KIAA0825: variants seen among roughly 807,000 people sequenced by gnomAD.
KIAA0825 encodes KIAA0825, also known as uncharacterized protein KIAA0825.
KIAA0825 carries 119 observed loss-of-function variants against 147.6 expected under a neutral mutation model. That is an observed-to-expected ratio of 0.81 (90% confidence interval 0.69 to 0.94). KIAA0825 has a LOEUF of 0.94. Ranked by LOEUF, KIAA0825 falls within the 40% of genes least tolerant of loss-of-function variation. KIAA0825 has a pLI of 0.00. For synonymous variants in KIAA0825, 470 were observed against 518.1 expected (o/e 0.91, Z 1.26); for missense variants, 1,381 against 1,472.7 (o/e 0.94, Z 1.02).
chr5:94,572,578 A>G (rs1780180329), intron 2 of KIAA0825, among the ~76,000 whole-genome samples: 1 of 152,194 alleles, frequency 6.6e-6, no homozygotes, highest in East Asian at 1.9e-4. Flanking sequence ...AAAATCTGCA[A>G]TTCATTAAAA....
At chr5:94,453,444 C>G (rs867504167) in intron 12 of KIAA0825, among the ~76,000 whole-genome samples, 25 of 151,090 alleles carry the variant, frequency 1.7e-4, no homozygotes, top group Admixed American at 3.3e-4. Context: ...GCCTTGGCCT[C>G]TCAAAGTGCT....
chr5:94,539,895 T>G (rs1405117678), intron 2 of KIAA0825, among the ~76,000 whole-genome samples: 1 of 152,158 alleles, frequency 6.6e-6, no homozygotes, highest in Non-Finnish European at 1.5e-5. Flanking sequence ...TAATCTGCCT[T>G]GCACTCTTTG....
rs114712207 is a variant in KIAA0825 at position 94,299,932 on chromosome 5, A to C, written c.3710+84436T>G. The stretch of plus-strand genomic sequence containing the variant: ...TCTTTCTTAGATTTTTTTATAGACA[A>C]TTGACCAATACAAAATTATTTAAAA... On this transcript the variant is annotated intron_variant, in intron 20 of 20. Transcript: ENST00000682413. Among the ~76,000 whole-genome samples the C allele has an allele frequency of 6.2e-3, 943 of 152,186 alleles. 10 individuals carry two copies. Among genetic ancestry groups the C allele is most frequent in the African/African-American group, 0.022 (913 of 41,556 alleles).
At chr5:94,448,672 A>G (rs974444960) in intron 13 of KIAA0825, among the ~76,000 whole-genome samples, 1 of 152,112 alleles carries the variant, frequency 6.6e-6, no homozygotes, top group African/African-American at 2.4e-5. Flanking sequence ...GTTTGTCATC[A>G]TCCAATTCCT....
intron 5 of KIAA0825, among the ~76,000 whole-genome samples, chr5:94,504,541 T>G (rs1349505495): frequency 1.3e-5 from 2 of 152,200 alleles, no homozygotes; most frequent in Non-Finnish European, 1.5e-5. Context: ...GTATTAAATA[T>G]TCTTATTTTT....
intron 20 of KIAA0825, among the ~76,000 whole-genome samples, chr5:94,190,491 A>ATTTTTTTT (rs70975895): frequency 6.6e-5 from 7 of 106,302 alleles, no homozygotes; most frequent in Admixed American, 1.0e-4. Flanking sequence ...ACGCCCAGCT[A>ATTTTTTTT]TTTTTTTTTT....
At chr5:94,464,738 A>G (rs1168019321) in intron 11 of KIAA0825, 131 bp downstream of exon 11, 3 of 756,536 alleles carry the variant, frequency 4.0e-6, no homozygotes, top group Non-Finnish European at 6.1e-6. Context: ...GGAGAATAGA[A>G]TATGATTTCT....
intron 1 of KIAA0825, chr5:94,593,688 A>G: frequency 7.6e-6 from 3 of 395,370 alleles, no homozygotes; most frequent in Non-Finnish European, 1.5e-5. Flanking sequence ...TGATTAAAAG[A>G]GTTGCTTCAG....
At chr5:94,448,799 A>G (rs1246595258) in intron 13 of KIAA0825, among the ~76,000 whole-genome samples, 1 of 152,172 alleles carries the variant, frequency 6.6e-6, no homozygotes, top group East Asian at 1.9e-4. Flanking sequence ...ATGAATGGAA[A>G]GGTGAGATTT....
At chr5:94,462,928 A>G (rs899628581) in intron 11 of KIAA0825, among the ~76,000 whole-genome samples, 2 of 151,848 alleles carry the variant, frequency 1.3e-5, no homozygotes, top group African/African-American at 4.8e-5. Flanking sequence ...AAAATTTGCT[A>G]TTATCCATGT....
intron 20 of KIAA0825, among the ~76,000 whole-genome samples, chr5:94,329,526 G>C (rs1781052944): frequency 6.6e-6 from 1 of 152,130 alleles, no homozygotes; most frequent in African/African-American, 2.4e-5. Flanking sequence ...TATGAATGTA[G>C]TATATTTTGA....
chr5:94,300,104 A>G (rs944252121), intron 20 of KIAA0825, among the ~76,000 whole-genome samples: 1 of 152,076 alleles, frequency 6.6e-6, no homozygotes, highest in Admixed American at 6.6e-5. Context: ...CTCACCTAAT[A>G]CAATATTGTA....
chr5:94,411,085 T>C (rs1055686867), intron 15 of KIAA0825, among the ~76,000 whole-genome samples: 1 of 152,038 alleles, frequency 6.6e-6, no homozygotes, highest in African/African-American at 2.4e-5. Flanking sequence ...AGGGAGGAAG[T>C]AAATGGAAAT....
chr5:94,419,863 A>G (rs1042037117), intron 14 of KIAA0825, among the ~76,000 whole-genome samples: 2 of 152,168 alleles, frequency 1.3e-5, no homozygotes, highest in Admixed American at 1.3e-4. Flanking sequence ...TACTAGTAGC[A>G]TCTTCTTTCA....
chr5:94,552,149 G>A (rs1168786139), intron 2 of KIAA0825, among the ~76,000 whole-genome samples: 1 of 151,926 alleles, frequency 6.6e-6, no homozygotes, highest in Non-Finnish European at 1.5e-5. Context: ...AATACTTCAA[G>A]TAAAAACTCT....
Position 94,469,877 on chromosome 5 carries a change from C to T in KIAA0825, c.1872+84G>A, listed in dbSNP as rs1204698856. 3.6e-6 allele frequency: 4 copies of T among 1,110,772 alleles called. No homozygotes were observed. In the African/African-American group the frequency reaches 6.4e-5, roughly 18 times the overall value. The allele number at this position is 1,110,772 out of a possible 1,614,324, so 68.8% of individuals were successfully genotyped here. On this transcript the variant is annotated intron_variant, in intron 10 of 20. Coordinates refer to ENST00000682413, the MANE Select transcript of KIAA0825 (RefSeq NM_001145678.3). ...GCCTTCGGGTATTAGTAATGCCAAG[C>T]TCATGTTTCTAATTAGCCAGAAAGC...
chr5:94,599,096 AGTAT>A (rs1355846148), intron 1 of KIAA0825, among the ~76,000 whole-genome samples: 1 of 152,084 alleles, frequency 6.6e-6, no homozygotes, highest in Non-Finnish European at 1.5e-5. Context: ...TCCCACCAAC[AGTAT>A]GTAAGAGTTC....
intron 20 of KIAA0825, among the ~76,000 whole-genome samples, chr5:94,360,597 T>G (rs1744928582): frequency 6.6e-6 from 1 of 152,186 alleles, no homozygotes; most frequent in Admixed American, 6.5e-5. Flanking sequence ...TGCTCATGCA[T>G]TAGCATGCTA....
intron 20 of KIAA0825, among the ~76,000 whole-genome samples, chr5:94,197,350 T>C (rs890416479): frequency 1.3e-5 from 2 of 152,216 alleles, no homozygotes; most frequent in African/African-American, 4.8e-5. Context: ...AAGTTCCTTA[T>C]AGATTCTGGA....
Sources: allele counts gnomAD v4.1 joint callset (sites outside exome capture counted in the v4.1 genomes callset), GRCh38; gene constraint gnomAD v4.1.1; transcripts MANE v1.5; gene names NCBI Gene and HGNC (gene_info 2026-07-23, HGNC 2026-07-21).